NCOA3: variants seen among roughly 807,000 people sequenced by gnomAD.
NCOA3 encodes the protein CBP-interacting protein.
In NCOA3, 51 loss-of-function variants were observed where a neutral mutation model predicts 158.8. The observed-to-expected ratio is 0.32, with a 90% CI of 0.26 to 0.41. The LOEUF is 0.41. NCOA3 is among the 10% of genes least tolerant of loss of function. The pLI is 1.00. For synonymous variants in NCOA3, 537 were observed against 592.4 expected, an observed-to-expected ratio of 0.91 and a Z score of 1.36; for missense variants, 1,510 against 1,746.6, an observed-to-expected ratio of 0.86 and a Z score of 2.41.
At chr20:47,542,028 T>TGTTTTGTTGTTG (rs1555802261) in intron 1 of NCOA3, among the ~76,000 whole-genome samples, 1 of 81,716 alleles carries the variant, frequency 1.2e-5, no homozygotes, top group Non-Finnish European at 2.5e-5. Flanking sequence ...TTTTTTTTTT[T>TGTTTTGTTGTTG]TTGTTGTTGT....
intron 4 of NCOA3, 37 bp downstream of exon 4, chr20:47,624,120 G>A (rs1422458661): frequency 6.5e-7 from 1 of 1,550,098 alleles, no homozygotes; most frequent in South Asian, 1.2e-5. Context: ...AACAGTGGTG[G>A]TTCCCAACCT....
intron 1 of NCOA3, among the ~76,000 whole-genome samples, chr20:47,508,085 T>C (rs1450536347): frequency 3.3e-5 from 5 of 152,196 alleles, no homozygotes; most frequent in East Asian, 1.9e-4. Flanking sequence ...AGTTTTTAAC[T>C]TCGTGATACT....
In NCOA3 at chr20:47,526,533, C is replaced by T. The variant is rs544384900; in HGVS notation, c.-99+24514C>T. ...CTGCACCTCGGGAGGCCGAGGCTGGCGGATCACTTGTGGTTAGGAGCTGGA... is the reference window on the plus strand; with the variant it reads ...CTGCACCTCGGGAGGCCGAGGCTGGTGGATCACTTGTGGTTAGGAGCTGGA... On this transcript the variant is annotated intron_variant, in intron 1 of 22. Transcript: ENST00000371998. Among the ~76,000 whole-genome samples, 12 of 152,334 alleles carry T rather than the reference C, an allele frequency of 7.9e-5. 1 individual carries two copies. Among genetic ancestry groups the T allele is most frequent in the South Asian group, 4.1e-4 (2 of 4,826 alleles).
chr20:47,636,477 G>T lies in NCOA3; in HGVS notation c.2091G>T (p.Glu697Asp), dbSNP rs912804325. The T allele has an allele frequency of 6.2e-7, 1 of 1,614,132 alleles. No homozygotes were observed. Among genetic ancestry groups the T allele is most frequent in the Non-Finnish European group, 8.5e-7 (1 of 1,180,024 alleles). The change falls in exon 12 of 23, where the codon GAG becomes GAT. Residue 697 changes from glutamate (E) to aspartate (D), a missense_variant. Coordinates refer to ENST00000371998, the MANE Select transcript of NCOA3 (RefSeq NM_181659.3). ...KLLQNGNSPA[E>D]VAKITAEATG... is the part of the protein sequence containing the mutation. ...TGCAGAATGGGAATTCACCAGCTGA[G>T]GTAGCCAAGATTACTGCAGAAGCCA...
rs886940957 is a variant in NCOA3 at position 47,583,201 on chromosome 20, A to T, written c.-80A>T. On this transcript the variant is annotated 5_prime_UTR_variant, in exon 2 of 23. An upstream start codon of the reference 5' UTR is lost. Transcript: ENST00000371998. ...TCCTCAGGATCAAAATACTTGCTGG[A>T]TGGTGGACTCAGAGACCAATAAAAA... 3 of 398,518 alleles carry T rather than the reference A, an allele frequency of 7.5e-6. No individual in the cohort carries two copies. Among genetic ancestry groups the T allele is most frequent in the Non-Finnish European group, 1.3e-5 (3 of 226,068 alleles). 24.7% of individuals were successfully genotyped at this position (398,518 alleles called of 1,614,324 possible). A position where few individuals can be genotyped will look rare whatever the true frequency, so the allele number is the denominator to read the frequency against.
At chr20:47,571,631 C>T (rs961899001) in intron 1 of NCOA3, among the ~76,000 whole-genome samples, 2 of 152,040 alleles carry the variant, frequency 1.3e-5, no homozygotes, top group Non-Finnish European at 2.9e-5. Context: ...CTAAAATATT[C>T]AGTAAATCAT....
At chr20:47,560,313 G>A (rs1440659280) in intron 1 of NCOA3, among the ~76,000 whole-genome samples, 2 of 152,208 alleles carry the variant, frequency 1.3e-5, no homozygotes. Flanking sequence ...CTGACCTGAA[G>A]TGATTTGCCC....
chr20:47,503,053 AC>A lies in NCOA3; in HGVS notation c.-99+1035del, dbSNP rs2083967076. On this transcript the variant is annotated intron_variant, in intron 1 of 22. Coordinates refer to ENST00000371998, the MANE Select transcript of NCOA3 (RefSeq NM_181659.3). Reference sequence around the variant, plus strand: ...AACCTGTTTTTGTTATTAAGCCTGTACGGTAAAGAAACAGGAAGGAGAGTAC... The same window carrying A: ...AACCTGTTTTTGTTATTAAGCCTGTAGGTAAAGAAACAGGAAGGAGAGTAC... Among the ~76,000 whole-genome samples the A allele has an allele frequency of 2.0e-5, 3 of 152,182 alleles. No individual in the cohort carries two copies. In the South Asian group the frequency reaches 6.2e-4, roughly 31 times the overall value.
chr20:47,583,895 C>T (rs1003044253), intron 2 of NCOA3, among the ~76,000 whole-genome samples: 8 of 151,838 alleles, frequency 5.3e-5, no homozygotes, highest in East Asian at 1.9e-4. Context: ...GTTGAGGCTG[C>T]GCCTCAGCTG....
intron 1 of NCOA3, among the ~76,000 whole-genome samples, chr20:47,520,537 G>A (rs191914683): frequency 3.3e-5 from 5 of 152,306 alleles, no homozygotes; most frequent in Admixed American, 2.0e-4. Context: ...TGAAATTTGC[G>A]GAAGGCTCAA....
chr20:47,526,967 A>G (rs1240383063), intron 1 of NCOA3, among the ~76,000 whole-genome samples: 1 of 152,192 alleles, frequency 6.6e-6, no homozygotes, highest in Admixed American at 6.5e-5. Flanking sequence ...TAATGAGATT[A>G]TAAATAGTAT....
At chr20:47,613,906 A>C (rs1358443316) in intron 2 of NCOA3, among the ~76,000 whole-genome samples, 1 of 107,610 alleles carries the variant, frequency 9.3e-6, no homozygotes, top group Non-Finnish European at 1.9e-5. Flanking sequence ...ACTCTGTCTT[A>C]AAAAAAAAAA....
At chr20:47,591,001 C>T (rs751151609) in intron 2 of NCOA3, among the ~76,000 whole-genome samples, 6 of 150,688 alleles carry the variant, frequency 4.0e-5, no homozygotes, top group Non-Finnish European at 7.4e-5. Context: ...CCCAGCTACT[C>T]GGGAGGCTGA....
chr20:47,627,877 C>A, intron 7 of NCOA3, 45 bp from the exon 8 acceptor site: 2 of 1,590,132 alleles, frequency 1.3e-6, no homozygotes, highest in Non-Finnish European at 1.7e-6. Context: ...CATATATATC[C>A]AAAAGTTAAG....
intron 2 of NCOA3, among the ~76,000 whole-genome samples, chr20:47,596,680 G>A (rs573049391): frequency 6.3e-4 from 96 of 152,222 alleles, no homozygotes; most frequent in Non-Finnish European, 1.0e-3. Context: ...CTGCCGCCCA[G>A]TCTCAAGCGA....
intron 1 of NCOA3, among the ~76,000 whole-genome samples, chr20:47,564,059 T>C (rs1264474886): frequency 1.3e-5 from 2 of 151,642 alleles, no homozygotes; most frequent in African/African-American, 2.4e-5. Flanking sequence ...ACTTGGGAGG[T>C]TGAGGCAAGA....
intron 1 of NCOA3, among the ~76,000 whole-genome samples, chr20:47,542,678 T>G (rs1271019919): frequency 2.0e-5 from 3 of 152,090 alleles, no homozygotes; most frequent in Non-Finnish European, 4.4e-5. Context: ...TCTCTAAAAA[T>G]TGGCCAGGCA....
intron 2 of NCOA3, among the ~76,000 whole-genome samples, chr20:47,605,439 G>T (rs1194134032): frequency 1.3e-5 from 2 of 151,844 alleles, no homozygotes; most frequent in African/African-American, 2.4e-5. Flanking sequence ...TTATTATTAT[G>T]TATATATTAC....
intron 2 of NCOA3, among the ~76,000 whole-genome samples, chr20:47,609,989 G>A (rs1479219681): frequency 6.6e-6 from 1 of 152,096 alleles, no homozygotes; most frequent in African/African-American, 2.4e-5. Flanking sequence ...AATGGAGAGG[G>A]TCAAGGGTTT....
Sources: gnomAD v4.1 joint callset for allele counts (sites outside exome capture counted in the v4.1 genomes callset) on GRCh38, gnomAD v4.1.1 for gene constraint, MANE v1.5 for transcripts, NCBI Gene and HGNC (gene_info 2026-07-23, HGNC 2026-07-21) for gene names.